IL12RB2: variants seen among roughly 807,000 people sequenced by gnomAD.
IL12RB2 encodes interleukin-12 receptor subunit beta-2.
In IL12RB2, 82 loss-of-function variants were observed where a neutral mutation model predicts 89.4. That is an observed-to-expected ratio of 0.92 (90% CI 0.77 to 1.10). The LOEUF is 1.10. Among genes scored for constraint, IL12RB2 ranks in the 50% least tolerant of loss-of-function variants. The probability of loss-of-function intolerance (pLI) is 0.00; values close to 1 mark genes in which losing one functional copy is unlikely to be tolerated. For synonymous variants in IL12RB2, 368 were observed against 370.1 expected (o/e 0.99, Z 0.07); for missense variants, 963 against 1,031.9 (o/e 0.93, Z 0.92).
intron 10 of IL12RB2, 46 bp from the exon 11 acceptor site, chr1:67,367,779 C>CCCT (rs1392407788): frequency 1.9e-6 from 2 of 1,034,214 alleles, no homozygotes; most frequent in Admixed American, 3.4e-5. Context: ...AAATCTTTAT[C>CCCT]CCTCCTCTTT....
chr1:67,371,652 T>C (rs1476603062), intron 11 of IL12RB2, among the ~76,000 whole-genome samples: 20 of 152,202 alleles, frequency 1.3e-4, no homozygotes, highest in South Asian at 2.1e-4. Flanking sequence ...CTGAGATTCA[T>C]GGAAATAAGG....
chr1:67,323,009 C>T (rs1183394166), intron 4 of IL12RB2, among the ~76,000 whole-genome samples: 1 of 152,170 alleles, frequency 6.6e-6, no homozygotes, highest in Non-Finnish European at 1.5e-5. Context: ...CATGAAGAGA[C>T]TAGGAAGAAT....
intron 10 of IL12RB2, among the ~76,000 whole-genome samples, chr1:67,364,724 A>C (rs146171481): frequency 4.6e-5 from 7 of 152,374 alleles, no homozygotes; most frequent in African/African-American, 1.7e-4. Flanking sequence ...TCAGAAATGG[A>C]CAGATCCTGC....
intron 9 of IL12RB2, among the ~76,000 whole-genome samples, chr1:67,345,978 A>G (rs17129842): frequency 0.02 from 3,032 of 152,346 alleles, 44 homozygotes; most frequent in Non-Finnish European, 0.031. Flanking sequence ...CAAACAAGAT[A>G]GAAATCATTA....
At chr1:67,344,538 C>T (rs2100795960) in intron 9 of IL12RB2, among the ~76,000 whole-genome samples, 1 of 152,286 alleles carries the variant, frequency 6.6e-6, no homozygotes, top group South Asian at 2.1e-4. Context: ...AGTGATCCTC[C>T]TGCCTCAGCC....
intron 4 of IL12RB2, among the ~76,000 whole-genome samples, chr1:67,324,135 A>C (rs927368130): frequency 2.6e-5 from 4 of 152,244 alleles, no homozygotes; most frequent in African/African-American, 9.6e-5. Context: ...TGTATATGCA[A>C]AAGTATACAC....
At chr1:67,308,721 C>A (rs1248112381) in intron 1 of IL12RB2, among the ~76,000 whole-genome samples, 3 of 152,128 alleles carry the variant, frequency 2.0e-5, no homozygotes, top group Admixed American at 6.5e-5. Context: ...TACAAATAGA[C>A]CTTGTCTAAG....
At chr1:67,383,307 C>A (rs1664801225) in intron 14 of IL12RB2, among the ~76,000 whole-genome samples, 1 of 152,218 alleles carries the variant, frequency 6.6e-6, no homozygotes, top group Non-Finnish European at 1.5e-5. Context: ...AAGTCCCTCA[C>A]ACCACATGTG....
chr1:67,341,587 A>G (rs1334860538), intron 9 of IL12RB2, among the ~76,000 whole-genome samples: 4 of 140,844 alleles, frequency 2.8e-5, no homozygotes, highest in African/African-American at 8.2e-5. Context: ...AAGAAAGAAA[A>G]GAAAGGAAGG....
At chr1:67,332,833 T>C (rs938974003) in intron 8 of IL12RB2, among the ~76,000 whole-genome samples, 1 of 152,220 alleles carries the variant, frequency 6.6e-6, no homozygotes, top group African/African-American at 2.4e-5. Context: ...TCTGGGCTTG[T>C]GAATTCTTGT....
chr1:67,355,764 C>T (rs6664757), intron 10 of IL12RB2, among the ~76,000 whole-genome samples: 20,910 of 152,118 alleles, frequency 0.14, 2,165 homozygotes, highest in African/African-American at 0.28. Context: ...ATGATTGAGG[C>T]TAAAGGAATA....
chr1:67,361,579 G>A (rs1243762013), intron 10 of IL12RB2, among the ~76,000 whole-genome samples: 1 of 152,054 alleles, frequency 6.6e-6, no homozygotes, highest in Admixed American at 6.5e-5. Flanking sequence ...TGAGCTTGAA[G>A]ATATGTCAAT....
At chr1:67,324,558 G>A (rs1026607438) in intron 4 of IL12RB2, among the ~76,000 whole-genome samples, 5 of 151,856 alleles carry the variant, frequency 3.3e-5, no homozygotes, top group African/African-American at 1.2e-4. Flanking sequence ...GTTTCACCAT[G>A]TTACCCAGGC....
At chr1:67,334,477 ATTC>A (rs1220032730) in intron 8 of IL12RB2, among the ~76,000 whole-genome samples, 2 of 152,052 alleles carry the variant, frequency 1.3e-5, no homozygotes, top group East Asian at 3.9e-4. Context: ...ACTAAAAAGG[ATTC>A]TTCTTTTGTT....
Position 67,321,687 on chromosome 1 carries a change from GCC to G in IL12RB2, c.164_165del (p.Pro55GlnfsTer11). 1 of 1,605,400 alleles carries G rather than the reference GCC, an allele frequency of 6.2e-7. No individual in the cohort carries two copies. The highest frequency in any genetic ancestry group is 8.5e-7 in the Non-Finnish European group (1 of 1,172,118). ...CTGTCAATATTACATGCTCTTTGAA[GCC>G]CAGACAAGGCTGCTTTCACTATTCC... ...STVNITCSLK[P>X]RQGCFHYSRR... On this transcript the variant is annotated frameshift_variant, in exon 4 of 17. Coordinates refer to ENST00000674203, the MANE Select transcript of IL12RB2 (RefSeq NM_001374259.2). LOFTEE classifies it high-confidence loss of function.
At chr1:67,390,361 T>G (rs1265169097) in intron 16 of IL12RB2, among the ~76,000 whole-genome samples, 1 of 152,110 alleles carries the variant, frequency 6.6e-6, no homozygotes, top group Non-Finnish European at 1.5e-5. Context: ...CCCCTAGCTT[T>G]TTATACCTCA....
Position 67,329,590 on chromosome 1 carries a change from GGCC to G in IL12RB2, c.669_671del (p.Arg223_Pro224delinsSer). 6.3e-7 allele frequency: 1 copy of G among 1,577,782 alleles called. No homozygotes were observed. Among genetic ancestry groups the G allele is most frequent in the South Asian group, 1.1e-5 (1 of 90,272 alleles). ...TTTTGTTTGTCCTGGTTACTAGTGA[GGCC>G]TCTTCCTCCGTGGGACATTAGAATC... is the stretch of plus-strand genomic sequence containing the variant. On this transcript the variant is annotated inframe_deletion, in exon 7 of 17. Coordinates refer to ENST00000674203, the MANE Select transcript of IL12RB2 (RefSeq NM_001374259.2).
chr1:67,390,455 C>CTTTTTTTTTTTT (rs67532605), intron 16 of IL12RB2, among the ~76,000 whole-genome samples: 1 of 107,524 alleles, frequency 9.3e-6, no homozygotes, highest in Non-Finnish European at 1.8e-5. Context: ...GCAAACTTTC[C>CTTTTTTTTTTTT]TTTTTTTTTT....
chr1:67,355,686 T>C (rs1661318475), intron 10 of IL12RB2, among the ~76,000 whole-genome samples: 1 of 152,204 alleles, frequency 6.6e-6, no homozygotes. Flanking sequence ...GAGCACTTTT[T>C]CCAAATGCCT....
Sources: allele counts gnomAD v4.1 joint callset (sites outside exome capture counted in the v4.1 genomes callset), GRCh38; gene constraint gnomAD v4.1.1; transcripts MANE v1.5; gene names NCBI Gene and HGNC (gene_info 2026-07-23, HGNC 2026-07-21).